KANK1: variants seen among roughly 807,000 people sequenced by gnomAD.
KANK1 encodes the protein KN motif and ankyrin repeat domain-containing protein 1.
In KANK1, 109 loss-of-function variants were observed where a neutral mutation model predicts 106.2. The ratio of observed to expected loss-of-function variants is 1.03; its 90% CI spans 0.88 to 1.20. KANK1 has a LOEUF of 1.20. Among genes scored for constraint, KANK1 ranks in the 50% most tolerant of loss-of-function variants. The pLI, the probability that KANK1 is intolerant of heterozygous loss-of-function variation, is 0.00. For missense variants in KANK1, 2,399 were observed against 1,710.7 expected, an observed-to-expected ratio of 1.40 and a Z score of -7.10; for synonymous variants, 873 against 652.2, an observed-to-expected ratio of 1.34 and a Z score of -5.16.
chr9:704,349 A>C (rs1000321316), intron 2 of KANK1, among the ~76,000 whole-genome samples: 1 of 152,214 alleles, frequency 6.6e-6, no homozygotes, highest in South Asian at 2.1e-4. Flanking sequence ...CTCCACCCCT[A>C]GATATGAACT....
chr9:713,026 G>A lies in KANK1; in HGVS notation c.2260G>A (p.Val754Met), dbSNP rs766484676. The A allele has an allele frequency of 8.1e-6, 13 of 1,614,092 alleles. No individual in the cohort carries two copies. The highest frequency in any genetic ancestry group is 8.5e-7 in the Non-Finnish European group (1 of 1,180,042). The change falls in exon 3 of 12, where the codon GTG becomes ATG. Residue 754 changes from valine to methionine, a missense_variant. Coordinates refer to ENST00000382297, the MANE Select transcript of KANK1 (RefSeq NM_015158.5). Reference protein sequence around the residue: ...GHSGFDRPSAVKTKESGVGQI... With the variant: ...GHSGFDRPSAMKTKESGVGQI... ...TTCTGGGTTTGACAGGCCATCAGCT[G>A]TGAAGACCAAAGAGTCAGGTGTGGG...
chr9:512,645 T>A (rs2059085877), intron 1 of KANK1, among the ~76,000 whole-genome samples: 1 of 152,114 alleles, frequency 6.6e-6, no homozygotes, highest in Non-Finnish European at 1.5e-5. Flanking sequence ...GTTAATAACT[T>A]CCCTTTTGCC....
chr9:597,359 C>T (rs1826472441), intron 1 of KANK1, among the ~76,000 whole-genome samples: 2 of 151,930 alleles, frequency 1.3e-5, no homozygotes, highest in Admixed American at 1.3e-4. Context: ...TTTTCCATAT[C>T]CTTGCAAACA....
chr9:488,634 C>A (rs1006094946), intron 3 of KANK1, among the ~76,000 whole-genome samples: 1 of 152,130 alleles, frequency 6.6e-6, no homozygotes, highest in Non-Finnish European at 1.5e-5. Flanking sequence ...ATGAATCAGT[C>A]AATGTAATCA....
chr9:547,928 C>A (rs944841548), intron 1 of KANK1, among the ~76,000 whole-genome samples: 1 of 152,086 alleles, frequency 6.6e-6, no homozygotes, highest in African/African-American at 2.4e-5. Flanking sequence ...ATTTAAGAAG[C>A]CTGAGATCAT....
intron 5 of KANK1, 159 bp from the exon 6 acceptor site, chr9:732,219 C>A: frequency 2.6e-6 from 2 of 764,072 alleles, no homozygotes; most frequent in Non-Finnish European, 4.1e-6. Context: ...TCAAAACCAC[C>A]AGGCATTTAA....
At chr9:592,728 GAATTAA>G (rs1285363680) in intron 1 of KANK1, among the ~76,000 whole-genome samples, 2 of 152,010 alleles carry the variant, frequency 1.3e-5, no homozygotes, top group South Asian at 4.1e-4. Context: ...CTTGAGATAG[GAATTAA>G]AATTAATTTC....
chr9:590,911 C>T (rs1824710912), intron 1 of KANK1, among the ~76,000 whole-genome samples: 2 of 151,814 alleles, frequency 1.3e-5, no homozygotes, highest in African/African-American at 4.9e-5. Context: ...ATATAATACA[C>T]ATTGCCTGGA....
In KANK1 at chr9:646,579, CAGTT is replaced by C. The variant is rs542815169; in HGVS notation, c.-83-30308_-83-30305del. Among the ~76,000 whole-genome samples the C allele has an allele frequency of 4.3e-3, 650 of 150,808 alleles. 57 individuals are homozygous for C. The highest frequency in any genetic ancestry group is 0.015 in the African/African-American group (595 of 40,232). ...ATGTTGAACATGATTAATCATCTCT[CAGTT>C]AGGTTCATTATTTTCAATCATATTA... On this transcript the variant is annotated intron_variant, in intron 1 of 11. Coordinates refer to ENST00000382297, the MANE Select transcript of KANK1 (RefSeq NM_015158.5).
chr9:498,487 G>A (rs191101707), intron 3 of KANK1, among the ~76,000 whole-genome samples: 10 of 152,274 alleles, frequency 6.6e-5, no homozygotes, highest in Admixed American at 5.9e-4. Context: ...TCCTCCTTGT[G>A]ACCCACAACT....
chr9:710,099 G>T (rs1173360451), intron 2 of KANK1, among the ~76,000 whole-genome samples: 1 of 152,050 alleles, frequency 6.6e-6, no homozygotes, highest in Non-Finnish European at 1.5e-5. Flanking sequence ...TACCTATTGA[G>T]TACGGTGTGC....
intron 1 of KANK1, among the ~76,000 whole-genome samples, chr9:545,230 C>T (rs1356810274): frequency 1.3e-5 from 2 of 152,006 alleles, no homozygotes; most frequent in Non-Finnish European, 2.9e-5. Context: ...GCCCAGACTT[C>T]TGGGAGGATC....
intron 3 of KANK1, among the ~76,000 whole-genome samples, chr9:487,232 G>A (rs1320904283): frequency 6.6e-6 from 1 of 152,202 alleles, no homozygotes; most frequent in African/African-American, 2.4e-5. Context: ...ATGATGGTGT[G>A]AAAGCCATAC....
At chr9:552,876 G>A (rs948412436) in intron 1 of KANK1, among the ~76,000 whole-genome samples, 1 of 152,234 alleles carries the variant, frequency 6.6e-6, no homozygotes, top group Non-Finnish European at 1.5e-5. Flanking sequence ...TGGCCGCAGT[G>A]GCTCACGCCT....
chr9:677,799 GACA>G (rs901333327), intron 2 of KANK1, among the ~76,000 whole-genome samples: 2 of 152,206 alleles, frequency 1.3e-5, no homozygotes, highest in Non-Finnish European at 2.9e-5. Context: ...ACCTTCAAAT[GACA>G]ACATTATATA....
chr9:507,354 C>G (rs187139387), intron 1 of KANK1, among the ~76,000 whole-genome samples: 75 of 152,084 alleles, frequency 4.9e-4, no homozygotes, highest in African/African-American at 1.8e-3. Context: ...TATCCTCTCT[C>G]AAAACAAGAT....
At chr9:642,103 G>C (rs1361314195) in intron 1 of KANK1, among the ~76,000 whole-genome samples, 2 of 152,180 alleles carry the variant, frequency 1.3e-5, no homozygotes, top group Non-Finnish European at 2.9e-5. Flanking sequence ...CAGAAAGCTT[G>C]AGCTCACATG....
At chr9:593,930 T>C (rs1825608511) in intron 1 of KANK1, among the ~76,000 whole-genome samples, 1 of 151,926 alleles carries the variant, frequency 6.6e-6, no homozygotes, top group Non-Finnish European at 1.5e-5. Context: ...CCCCCAGCCA[T>C]GGGAACACAA....
intron 1 of KANK1, chr9:674,522 C>A (rs1006849749): frequency 2.0e-5 from 3 of 152,136 alleles, no homozygotes; most frequent in African/African-American, 4.8e-5. Context: ...GCAAGAAATT[C>A]TCACCCTGTG....
Sources: allele counts gnomAD v4.1 joint callset (sites outside exome capture counted in the v4.1 genomes callset), GRCh38; gene constraint gnomAD v4.1.1; transcripts MANE v1.5; gene names NCBI Gene and HGNC (gene_info 2026-07-23, HGNC 2026-07-21).